Variants in SPOCK1 observed in about 807,000 individuals in gnomAD.
SPOCK1 encodes the protein testican-1.
A neutral mutation model predicts 55.3 loss-of-function variants in SPOCK1; 23 were observed. The ratio of observed to expected loss-of-function variants is 0.42; its 90% CI spans 0.30 to 0.59. The LOEUF is 0.59. Among genes scored for constraint, SPOCK1 ranks in the 20% least tolerant of loss-of-function variants. The pLI, the probability that SPOCK1 is intolerant of heterozygous loss-of-function variation, is 0.22. For missense variants in SPOCK1, 499 were observed against 552.5 expected, an observed-to-expected ratio of 0.90 and a Z score of 0.97; for synonymous variants, 226 against 221.0, an observed-to-expected ratio of 1.02 and a Z score of -0.20.
intron 3 of SPOCK1, among the ~76,000 whole-genome samples, chr5:137,155,922 A>G (rs1754407366): frequency 6.6e-6 from 1 of 152,204 alleles, no homozygotes; most frequent in Non-Finnish European, 1.5e-5. Flanking sequence ...CTCTCATTGG[A>G]AGCCAAGTCA....
At chr5:137,228,076 G>C (rs1755979849) in intron 3 of SPOCK1, among the ~76,000 whole-genome samples, 1 of 152,172 alleles carries the variant, frequency 6.6e-6, no homozygotes, top group African/African-American at 2.4e-5. Flanking sequence ...CTGCAAACAG[G>C]AATACAGGGC....
At chr5:137,431,053 C>T (rs1310090130) in intron 2 of SPOCK1, among the ~76,000 whole-genome samples, 7 of 152,212 alleles carry the variant, frequency 4.6e-5, no homozygotes, top group Non-Finnish European at 1.0e-4. Context: ...ATGTTTGGGG[C>T]TGTAACAGCC....
intron 2 of SPOCK1, among the ~76,000 whole-genome samples, chr5:137,454,333 C>G (rs1461808163): frequency 6.6e-6 from 1 of 152,138 alleles, no homozygotes; most frequent in East Asian, 1.9e-4. Flanking sequence ...GCAAGGATCT[C>G]CCCCAAAATA....
intron 6 of SPOCK1, among the ~76,000 whole-genome samples, chr5:137,065,728 G>T (rs1752495445): frequency 6.6e-6 from 1 of 152,126 alleles, no homozygotes; most frequent in Non-Finnish European, 1.5e-5. Context: ...CATTAACTTA[G>T]TAGTCTGTGC....
chr5:137,450,907 G>A (rs10066409), intron 2 of SPOCK1, among the ~76,000 whole-genome samples: 20 of 151,644 alleles, frequency 1.3e-4, no homozygotes, highest in African/African-American at 4.6e-4. Flanking sequence ...ATACCCTCCC[G>A]ACCAGTGTTC....
intron 5 of SPOCK1, among the ~76,000 whole-genome samples, chr5:137,092,806 C>T (rs1753074837): frequency 6.6e-6 from 1 of 152,206 alleles, no homozygotes; most frequent in South Asian, 2.1e-4. Flanking sequence ...AGTCCATTTG[C>T]TGTTGCTGAA....
At chr5:137,084,624 A>T (rs755204931) in intron 5 of SPOCK1, among the ~76,000 whole-genome samples, 1 of 152,144 alleles carries the variant, frequency 6.6e-6, no homozygotes, top group Non-Finnish European at 1.5e-5. Context: ...CCTAAGGCAC[A>T]TTAGTGAAAA....
At chr5:137,068,003 A>C (rs1752543757) in intron 5 of SPOCK1, among the ~76,000 whole-genome samples, 174 bp from the exon 6 acceptor site, 1 of 152,172 alleles carries the variant, frequency 6.6e-6, no homozygotes, top group Non-Finnish European at 1.5e-5. Flanking sequence ...GGCCTTTTAT[A>C]TTTTACCAAA....
At chr5:137,399,165 G>A (rs555255235) in intron 2 of SPOCK1, among the ~76,000 whole-genome samples, 2 of 152,332 alleles carry the variant, frequency 1.3e-5, no homozygotes, top group East Asian at 3.9e-4. Flanking sequence ...CGTGCCAAAA[G>A]TAATGCCAGA....
chr5:137,043,296 A>G (rs1752036679), intron 6 of SPOCK1, among the ~76,000 whole-genome samples: 1 of 152,242 alleles, frequency 6.6e-6, no homozygotes, highest in African/African-American at 2.4e-5. Context: ...TTATATAAAT[A>G]TTAATACATG....
intron 6 of SPOCK1, among the ~76,000 whole-genome samples, chr5:137,039,883 A>G (rs1751962342): frequency 6.6e-6 from 1 of 152,204 alleles, no homozygotes; most frequent in South Asian, 2.1e-4. Flanking sequence ...GCTTCCCTCC[A>G]TGGTAGCTTT....
intron 2 of SPOCK1, among the ~76,000 whole-genome samples, chr5:137,322,148 T>C (rs1439730179): frequency 6.6e-6 from 1 of 151,824 alleles, no homozygotes; most frequent in Non-Finnish European, 1.5e-5. Flanking sequence ...CTGGGCAACA[T>C]AGCAAAACCC....
chr5:137,443,705 G>A (rs1331463820), intron 2 of SPOCK1, among the ~76,000 whole-genome samples: 5 of 152,106 alleles, frequency 3.3e-5, no homozygotes, highest in African/African-American at 4.8e-5. Context: ...GTTCACCAAC[G>A]GCTGTGGTCT....
At chr5:137,061,350 A>G (rs1417454187) in intron 6 of SPOCK1, among the ~76,000 whole-genome samples, 2 of 152,178 alleles carry the variant, frequency 1.3e-5, no homozygotes, top group Admixed American at 1.3e-4. Context: ...CACTTGTGAT[A>G]AGTAATGGAA....
chr5:137,257,149 G>A (rs1315230577), intron 3 of SPOCK1, among the ~76,000 whole-genome samples: 9 of 152,286 alleles, frequency 5.9e-5, no homozygotes, highest in Admixed American at 4.6e-4. Flanking sequence ...GTGTTTCAAG[G>A]TGCCTAGCAG....
intron 3 of SPOCK1, among the ~76,000 whole-genome samples, chr5:137,165,996 C>T (rs988575389): frequency 5.9e-5 from 9 of 152,046 alleles, no homozygotes; most frequent in African/African-American, 2.2e-4. Flanking sequence ...GTAGAAAGTT[C>T]ATTCAAAGTG....
intron 2 of SPOCK1, among the ~76,000 whole-genome samples, chr5:137,315,304 T>A (rs1225247466): frequency 6.6e-6 from 1 of 152,184 alleles, no homozygotes; most frequent in Non-Finnish European, 1.5e-5. Context: ...TCTCTCTCCA[T>A]CTCATCTGTC....
At chr5:137,041,372 C>A (rs919134228) in intron 6 of SPOCK1, among the ~76,000 whole-genome samples, 1 of 152,108 alleles carries the variant, frequency 6.6e-6, no homozygotes, top group African/African-American at 2.4e-5. Context: ...AACTATAAAA[C>A]ATCTAGAAGA....
At chr5:137,421,106 T>A (rs1186757368) in intron 2 of SPOCK1, among the ~76,000 whole-genome samples, 1 of 152,216 alleles carries the variant, frequency 6.6e-6, no homozygotes, top group Non-Finnish European at 1.5e-5. Context: ...GTTGAGCGGT[T>A]TTGAGTGAGT....
Sources: allele counts gnomAD v4.1 joint callset (sites outside exome capture counted in the v4.1 genomes callset), GRCh38; gene constraint gnomAD v4.1.1; transcripts MANE v1.5; gene names NCBI Gene and HGNC (gene_info 2026-07-23, HGNC 2026-07-21).